Variants in EIF2AK4 observed in about 807,000 individuals in gnomAD.
EIF2AK4 encodes the protein eIF-2-alpha kinase GCN2.
EIF2AK4 carries 139 observed loss-of-function variants against 211.1 expected under a neutral mutation model. That is an observed-to-expected ratio of 0.66 (90% CI 0.57 to 0.76). The LOEUF is 0.76. Among genes scored for constraint, EIF2AK4 ranks in the 30% least tolerant of loss-of-function variants. The probability of loss-of-function intolerance (pLI) is 0.00; values close to 1 mark genes in which losing one functional copy is unlikely to be tolerated. For synonymous variants in EIF2AK4, 710 were observed against 751.3 expected, an observed-to-expected ratio of 0.94 and a Z score of 0.90; for missense variants, 1,664 against 2,043.8, an observed-to-expected ratio of 0.81 and a Z score of 3.58.
chr15:40,030,351 G>T lies in EIF2AK4; in HGVS notation c.4562-8G>T, dbSNP rs2250402. Reference sequence around the variant, plus strand: ...AGGCCATAAATTCTGAAACTCTCTTGGTCTCAGGTTTGTTTGAAATCCATG... The same window carrying T: ...AGGCCATAAATTCTGAAACTCTCTTTGTCTCAGGTTTGTTTGAAATCCATG... On this transcript the variant is annotated splice_polypyrimidine_tract_variant and splice_region_variant and intron_variant, in intron 34 of 38. Coordinates refer to ENST00000263791, the MANE Select transcript of EIF2AK4 (RefSeq NM_001013703.4). The T allele has an allele frequency of 0.92, 1,478,018 of 1,613,276 alleles. 677,771 individuals are homozygous for T. The highest frequency in any genetic ancestry group is 0.96 in the Admixed American group (57,516 of 59,952).
chr15:39,992,925 TC>T, intron 18 of EIF2AK4, 77 bp downstream of exon 18: 2 of 1,388,208 alleles, frequency 1.4e-6, no homozygotes, highest in African/African-American at 2.8e-5. Flanking sequence ...TGGGATTTAG[TC>T]CCGGCTAAAA....
At chr15:39,969,438 G>A (rs2034592444) in intron 9 of EIF2AK4, among the ~76,000 whole-genome samples, 1 of 137,842 alleles carries the variant, frequency 7.3e-6, no homozygotes, top group African/African-American at 2.8e-5. Flanking sequence ...TCAGCTTCCT[G>A]CAAGCTCCGC....
intron 9 of EIF2AK4, among the ~76,000 whole-genome samples, chr15:39,968,873 G>GAGATAT (rs2034581032): frequency 1.4e-5 from 2 of 147,122 alleles, no homozygotes; most frequent in African/African-American, 5.0e-5. Context: ...AAGTGAATAT[G>GAGATAT]ATATATATAT....
intron 37 of EIF2AK4, among the ~76,000 whole-genome samples, chr15:40,033,783 T>C (rs1175096598): frequency 1.3e-5 from 2 of 152,142 alleles, no homozygotes; most frequent in African/African-American, 2.4e-5. Flanking sequence ...TCCCAGCACT[T>C]TGGGAGGCCG....
intron 6 of EIF2AK4, among the ~76,000 whole-genome samples, chr15:39,961,309 C>G (rs577640914): frequency 6.6e-6 from 1 of 152,230 alleles, no homozygotes; most frequent in South Asian, 2.1e-4. Flanking sequence ...TGTGCATGTG[C>G]GTGGGAATGA....
At chr15:39,951,024 T>A (rs916599140) in intron 4 of EIF2AK4, among the ~76,000 whole-genome samples, 3 of 152,174 alleles carry the variant, frequency 2.0e-5, no homozygotes, top group African/African-American at 7.2e-5. Context: ...AAACGGCCAA[T>A]ACGTGATTTC....
At chr15:39,984,991 T>A (rs560259594) in intron 13 of EIF2AK4, among the ~76,000 whole-genome samples, 1 of 152,362 alleles carries the variant, frequency 6.6e-6, no homozygotes, top group Admixed American at 6.5e-5. Context: ...TGTAGGTTTG[T>A]CATAAATAGC....
At chr15:40,016,413 C>G in intron 27 of EIF2AK4, 89 bp from the exon 28 acceptor site, 1 of 1,480,876 alleles carries the variant, frequency 6.8e-7, no homozygotes, top group Non-Finnish European at 9.3e-7. Context: ...ATCCCATGTG[C>G]TCCTGCTCCT....
At chr15:39,975,759 TTG>T (rs2034685218) in intron 11 of EIF2AK4, among the ~76,000 whole-genome samples, 1 of 152,212 alleles carries the variant, frequency 6.6e-6, no homozygotes, top group Non-Finnish European at 1.5e-5. Context: ...TGGGCAGTGA[TTG>T]TGTTAATAGC....
chr15:39,942,167 T>C (rs761241729), intron 2 of EIF2AK4, among the ~76,000 whole-genome samples: 1 of 152,206 alleles, frequency 6.6e-6, no homozygotes, highest in Admixed American at 6.5e-5. Flanking sequence ...TCTTATCCTT[T>C]TGAATGTGGT....
chr15:39,992,989 A>G (rs1035159635), intron 18 of EIF2AK4, 141 bp downstream of exon 18: 6 of 751,798 alleles, frequency 8.0e-6, no homozygotes, highest in Non-Finnish European at 1.3e-5. Context: ...GGTCCTAAGG[A>G]TAGTGACTGA....
intron 9 of EIF2AK4, among the ~76,000 whole-genome samples, chr15:39,968,382 G>C (rs1248336855): frequency 6.6e-6 from 1 of 152,164 alleles, no homozygotes; most frequent in Non-Finnish European, 1.5e-5. Flanking sequence ...TAAATCACAG[G>C]TGCATGTTTA....
chr15:39,962,234 G>A (rs1264597823), intron 7 of EIF2AK4, among the ~76,000 whole-genome samples: 1 of 152,198 alleles, frequency 6.6e-6, no homozygotes, highest in Non-Finnish European at 1.5e-5. Context: ...ACTCCAGTGT[G>A]AGTGACAGAA....
intron 35 of EIF2AK4, among the ~76,000 whole-genome samples, chr15:40,031,246 A>G (rs1034541138): frequency 6.6e-6 from 1 of 152,222 alleles, no homozygotes; most frequent in African/African-American, 2.4e-5. Flanking sequence ...TCTCAAAATA[A>G]AATAACTACA....
At chr15:40,032,941 T>G in intron 37 of EIF2AK4, 140 bp downstream of exon 37, 1 of 631,510 alleles carries the variant, frequency 1.6e-6, no homozygotes, top group Non-Finnish European at 2.6e-6. Context: ...ATTTTTCCTT[T>G]TATGTAACAT....
chr15:39,949,555 G>T (rs1178896880), intron 4 of EIF2AK4, among the ~76,000 whole-genome samples: 1 of 152,134 alleles, frequency 6.6e-6, no homozygotes, highest in Non-Finnish European at 1.5e-5. Flanking sequence ...GGGTGTACAG[G>T]AGTTCACTGC....
chr15:39,961,279 G>T (rs895112021), intron 6 of EIF2AK4, among the ~76,000 whole-genome samples: 4 of 152,324 alleles, frequency 2.6e-5, no homozygotes, highest in African/African-American at 9.6e-5. Context: ...AACCCCCTCT[G>T]TTTTGCAGCT....
chr15:39,996,665 T>C (rs150647024), intron 18 of EIF2AK4, among the ~76,000 whole-genome samples: 27 of 152,210 alleles, frequency 1.8e-4, no homozygotes, highest in Middle Eastern at 3.4e-3. Context: ...GAGCCGAGAC[T>C]GCACCACTGC....
chr15:39,987,914 A>G (rs2034888076), intron 14 of EIF2AK4, 69 bp from the exon 15 acceptor site: 1 of 1,546,992 alleles, frequency 6.5e-7, no homozygotes, highest in East Asian at 2.3e-5. Context: ...AGGATTATGT[A>G]AATTGCAGTT....
Sources: allele counts gnomAD v4.1 joint callset (sites outside exome capture counted in the v4.1 genomes callset), GRCh38; gene constraint gnomAD v4.1.1; transcripts MANE v1.5; gene names NCBI Gene and HGNC (gene_info 2026-07-23, HGNC 2026-07-21).